Variants in ASTN2 observed in about 807,000 individuals in gnomAD.
The protein encoded by ASTN2 is astrotactin 2.
Under a neutral mutation model 139.8 loss-of-function variants are expected in ASTN2, and 54 were observed. The ratio of observed to expected loss-of-function variants is 0.39; its 90% confidence interval spans 0.31 to 0.48. The LOEUF (loss-of-function observed/expected upper bound fraction) is 0.48, where lower values mean the gene tolerates loss of function less well. ASTN2 is among the 20% of genes least tolerant of loss of function. ASTN2 has a pLI of 0.95. For missense variants in ASTN2, 1,565 were observed against 1,725.1 expected, an observed-to-expected ratio of 0.91 and a Z score of 1.64; for synonymous variants, 756 against 719.5, an observed-to-expected ratio of 1.05 and a Z score of -0.81.
chr9:116,875,801 G>GACATA (rs1287411123), intron 10 of ASTN2, among the ~76,000 whole-genome samples: 1 of 152,204 alleles, frequency 6.6e-6, no homozygotes, highest in Non-Finnish European at 1.5e-5. Flanking sequence ...TCTATAAATA[G>GACATA]AACAGCAAAG....
In ASTN2 at chr9:117,060,323, AAAGAAAGAAAGAAAGAAAGAG is replaced by A. The variant is rs1839207843; in HGVS notation, c.1277-20379_1277-20359del. ...AAGACTCTGTCAAAAAAGAAAAAAG[AAAGAAAGAAAGAAAGAAAGAG>A]AGAAAGAAAGAAAGAAAGAAAGAAA... On this transcript the variant is annotated intron_variant, in intron 5 of 22. Transcript: ENST00000313400. Among the ~76,000 whole-genome samples the A allele has an allele frequency of 4.4e-5, 4 of 90,108 alleles. No homozygotes were observed. The Admixed American group carries it at 4.8e-4, about 11-fold the overall frequency. The allele number at this position is 90,108 out of a possible 152,430, so 59.1% of individuals were successfully genotyped here.
At chr9:117,286,169 C>G (rs1237646836) in intron 2 of ASTN2, among the ~76,000 whole-genome samples, 1 of 151,974 alleles carries the variant, frequency 6.6e-6, no homozygotes, top group Non-Finnish European at 1.5e-5. Context: ...TTGTTGAAAG[C>G]AACTTTGATC....
chr9:117,259,307 A>T (rs1265621947), intron 2 of ASTN2, among the ~76,000 whole-genome samples: 1 of 152,190 alleles, frequency 6.6e-6, no homozygotes, highest in African/African-American at 2.4e-5. Context: ...TAAGCCAAAA[A>T]TAAAATTCTA....
chr9:116,977,923 A>G, intron 7 of ASTN2, among the ~76,000 whole-genome samples: 1 of 151,444 alleles, frequency 6.6e-6, no homozygotes, highest in Non-Finnish European at 1.5e-5. Flanking sequence ...TGTTATATTG[A>G]CCAGGCTGGT....
chr9:116,484,269 G>C (rs976000841), intron 20 of ASTN2, among the ~76,000 whole-genome samples: 1 of 152,152 alleles, frequency 6.6e-6, no homozygotes, highest in African/African-American at 2.4e-5. Context: ...AGTTTTCAAA[G>C]TCAACTCTCT....
At chr9:117,369,176 A>G (rs1269752454) in intron 1 of ASTN2, among the ~76,000 whole-genome samples, 2 of 151,974 alleles carry the variant, frequency 1.3e-5, no homozygotes, top group Non-Finnish European at 2.9e-5. Context: ...TGTTAATTAT[A>G]TTATTTTCTT....
At chr9:116,710,376 C>T (rs1828115523) in intron 16 of ASTN2, among the ~76,000 whole-genome samples, 1 of 152,098 alleles carries the variant, frequency 6.6e-6, no homozygotes, top group Non-Finnish European at 1.5e-5. Flanking sequence ...CATCCCACTA[C>T]TTCTGAGTGA....
chr9:116,625,463 C>T (rs1186406537), intron 17 of ASTN2, among the ~76,000 whole-genome samples: 1 of 152,152 alleles, frequency 6.6e-6, no homozygotes, highest in African/African-American at 2.4e-5. Context: ...CCCACTCTGG[C>T]CCCATTGCTG....
At chr9:117,177,610 A>C (rs754876744) in intron 3 of ASTN2, among the ~76,000 whole-genome samples, 7 of 152,028 alleles carry the variant, frequency 4.6e-5, no homozygotes, top group Non-Finnish European at 1.0e-4. Flanking sequence ...TAAAAATCCT[A>C]CTCTAGAAAG....
At chr9:116,888,025 G>T (rs989929285) in intron 10 of ASTN2, among the ~76,000 whole-genome samples, 1 of 152,074 alleles carries the variant, frequency 6.6e-6, no homozygotes, top group Admixed American at 6.6e-5. Context: ...GTAAAATTTC[G>T]TATTGATAAT....
At chr9:116,649,080 T>C (rs1857760242) in intron 17 of ASTN2, among the ~76,000 whole-genome samples, 1 of 152,124 alleles carries the variant, frequency 6.6e-6, no homozygotes, top group Non-Finnish European at 1.5e-5. Context: ...AGTACTTACA[T>C]GTAACATATG....
chr9:116,886,538 A>ATGT (rs34407080), intron 10 of ASTN2, among the ~76,000 whole-genome samples: 149,526 of 151,376 alleles, frequency 0.99, 73,881 homozygotes, highest in East Asian at 1. Context: ...CACCTGGCTA[A>ATGT]TGTTGTTGTT....
At chr9:117,187,459 T>C (rs1424028950) in intron 3 of ASTN2, among the ~76,000 whole-genome samples, 1 of 152,104 alleles carries the variant, frequency 6.6e-6, no homozygotes, top group African/African-American at 2.4e-5. Context: ...CCCAATGTAA[T>C]AGTATTGAGA....
At chr9:116,972,392 G>A (rs1224313549) in intron 10 of ASTN2, among the ~76,000 whole-genome samples, 2 of 151,780 alleles carry the variant, frequency 1.3e-5, no homozygotes, top group Admixed American at 6.6e-5. Flanking sequence ...TTCGCTGATG[G>A]GTATTTGTAT....
At chr9:116,889,447 C>T (rs572366064) in intron 10 of ASTN2, among the ~76,000 whole-genome samples, 1 of 152,246 alleles carries the variant, frequency 6.6e-6, no homozygotes, top group Admixed American at 6.5e-5. Context: ...TGTTCACCTC[C>T]CTGGCTTCCG....
At chr9:117,024,906 G>A (rs750092597) in intron 6 of ASTN2, among the ~76,000 whole-genome samples, 10 of 150,462 alleles carry the variant, frequency 6.6e-5, no homozygotes, top group Admixed American at 2.0e-4. Context: ...TAGTGAATAA[G>A]TCTCATGAGA....
intron 11 of ASTN2, among the ~76,000 whole-genome samples, chr9:116,851,990 G>A (rs1832621058): frequency 6.6e-6 from 1 of 152,212 alleles, no homozygotes; most frequent in Admixed American, 6.5e-5. Context: ...GGAAGGACAG[G>A]AGCATAGCTG....
intron 3 of ASTN2, among the ~76,000 whole-genome samples, chr9:117,194,763 T>C (rs982543140): frequency 2.0e-5 from 3 of 152,236 alleles, no homozygotes; most frequent in Non-Finnish European, 2.9e-5. Context: ...TCTGGTTCCA[T>C]TATTTGTAGT....
chr9:116,450,874 GA>G (rs1252519232), intron 20 of ASTN2, among the ~76,000 whole-genome samples: 1 of 152,180 alleles, frequency 6.6e-6, no homozygotes, highest in Non-Finnish European at 1.5e-5. Context: ...GCCCGGAACA[GA>G]GAGACCATCT....
Sources: allele counts gnomAD v4.1 joint callset (sites outside exome capture counted in the v4.1 genomes callset), GRCh38; gene constraint gnomAD v4.1.1; transcripts MANE v1.5; gene names NCBI Gene and HGNC (gene_info 2026-07-23, HGNC 2026-07-21).